Variants in ARPC1A observed in about 807,000 individuals in gnomAD.
ARPC1A encodes the protein actin related protein 2/3 complex subunit 1A.
ARPC1A carries 8 observed loss-of-function variants against 46.9 expected under a neutral mutation model. The ratio of observed to expected loss-of-function variants is 0.17; its 90% CI spans 0.10 to 0.31. ARPC1A has a LOEUF of 0.31. Among genes scored for constraint, ARPC1A ranks in the 10% least tolerant of loss-of-function variants. ARPC1A has a pLI of 1.00. For synonymous variants in ARPC1A, 152 were observed against 169.0 expected, an observed-to-expected ratio of 0.90 and a Z score of 0.78; for missense variants, 286 against 483.6, an observed-to-expected ratio of 0.59 and a Z score of 3.83.
At chr7:99,342,280 A>G (rs1440564632) in intron 3 of ARPC1A, among the ~76,000 whole-genome samples, 2 of 152,104 alleles carry the variant, frequency 1.3e-5, no homozygotes, top group Admixed American at 1.3e-4. Context: ...ATAAATATTG[A>G]TCAGGCTTAC....
At chr7:99,327,227 G>A (rs1347734867) in intron 1 of ARPC1A, among the ~76,000 whole-genome samples, 3 of 151,726 alleles carry the variant, frequency 2.0e-5, no homozygotes, top group Non-Finnish European at 2.9e-5. Context: ...GACCTCCTGG[G>A]CTTAACAGAT....
chr7:99,358,511 A>T, intron 7 of ARPC1A, 96 bp downstream of exon 7: 2 of 893,972 alleles, frequency 2.2e-6, no homozygotes, highest in Non-Finnish European at 1.7e-6. Context: ...AAAGCAGAAC[A>T]GTTTTTTAGA....
In ARPC1A at chr7:99,354,067, C is replaced by T; in HGVS notation, c.659C>T (p.Ala220Val). 8.7e-6 allele frequency: 14 copies of T among 1,614,082 alleles called. No homozygotes were observed. Among genetic ancestry groups the T allele is most frequent in the Non-Finnish European group, 1.2e-5 (14 of 1,179,984 alleles). Residue 220 changes from alanine to valine, a missense_variant, in exon 6 of 10, where the codon GCC becomes GTC. Physicochemically the swap from Ala to Val is moderately conservative, Grantham distance 64. This residue lies in a region of ARPC1A where 182 missense variants were observed against 276.7 expected (regional missense o/e 0.66). Transcript: ENST00000262942. ...TTCTCTGCCAGTGGGAGCCGCCTGGCCTGGGTCAGCCACGACAGCACCGTG... is the reference window on the plus strand; with the variant it reads ...TTCTCTGCCAGTGGGAGCCGCCTGGTCTGGGTCAGCCACGACAGCACCGTG... ...VSFSASGSRLAWVSHDSTVSV... is the reference protein window; with the variant it reads ...VSFSASGSRLVWVSHDSTVSV...
At chr7:99,337,379 C>T (rs1793273307) in intron 2 of ARPC1A, among the ~76,000 whole-genome samples, 1 of 152,154 alleles carries the variant, frequency 6.6e-6, no homozygotes, top group Non-Finnish European at 1.5e-5. Context: ...CAAGATCGCG[C>T]CATTGCACTC....
chr7:99,366,064 G>A lies in ARPC1A; in HGVS notation c.*135G>A. The A allele has an allele frequency of 1.8e-6, 2 of 1,117,378 alleles. No individual in the cohort carries two copies. Among genetic ancestry groups the A allele is most frequent in the Non-Finnish European group, 2.5e-6 (2 of 802,424 alleles). 69.2% of individuals were successfully genotyped at this position (1,117,378 alleles called of 1,614,324 possible). A position where few individuals can be genotyped will look rare whatever the true frequency, so the allele number is the denominator to read the frequency against. ...ACGCCAATGCCGTGTGGTTTTGTTT[G>A]AATATAAAATTGGTGAAAGTGTTGG... On this transcript the variant is annotated 3_prime_UTR_variant, in exon 10 of 10. Transcript: ENST00000262942.
chr7:99,344,988 C>T (rs532280835), intron 4 of ARPC1A, among the ~76,000 whole-genome samples: 1 of 120,364 alleles, frequency 8.3e-6, no homozygotes, highest in Non-Finnish European at 1.6e-5. Context: ...CTGGATGGAG[C>T]GCAGTGACAC....
At chr7:99,330,905 T>C (rs1793134189) in intron 1 of ARPC1A, among the ~76,000 whole-genome samples, 1 of 152,224 alleles carries the variant, frequency 6.6e-6, no homozygotes, top group East Asian at 1.9e-4. Context: ...TTTCAGTTAA[T>C]GGTTGCTTCT....
At chr7:99,342,992 C>T (rs538598996) in intron 3 of ARPC1A, among the ~76,000 whole-genome samples, 13 of 152,042 alleles carry the variant, frequency 8.6e-5, no homozygotes, top group Admixed American at 5.2e-4. Context: ...AAAGAGCCAC[C>T]GCGCCCGGCC....
chr7:99,338,170 T>G lies in ARPC1A; in HGVS notation c.65-11T>G. The stretch of plus-strand genomic sequence containing the variant: ...TTCAGGTGTTAACTGTTGTTTGACT[T>G]GTGTCTCCAGAGATTGCCCTCAGTC... On this transcript the variant is annotated splice_polypyrimidine_tract_variant and intron_variant, in intron 2 of 9. Coordinates refer to ENST00000262942, the MANE Select transcript of ARPC1A (RefSeq NM_006409.4). 1 of 1,587,804 alleles carries G rather than the reference T, an allele frequency of 6.3e-7. No homozygotes were observed. Among genetic ancestry groups the G allele is most frequent in the Non-Finnish European group, 8.6e-7 (1 of 1,157,060 alleles).
chr7:99,338,696 A>G (rs1793309254), intron 3 of ARPC1A, among the ~76,000 whole-genome samples: 1 of 152,006 alleles, frequency 6.6e-6, no homozygotes, highest in Non-Finnish European at 1.5e-5. Flanking sequence ...TAATATTTAA[A>G]GTCATGCAGC....
rs1326889520 is a variant in ARPC1A, at chr7:99,365,964, CTG to C, written c.*38_*39del. ...AGCCTCCGCCATCCAGCATGACAAA[CTG>C]TGGCCGACCGCAGCTGTGCCGTGGC... On this transcript the variant is annotated 3_prime_UTR_variant, in exon 10 of 10. Coordinates refer to ENST00000262942, the MANE Select transcript of ARPC1A (RefSeq NM_006409.4). 1.9e-6 allele frequency: 3 copies of C among 1,556,990 alleles called. No homozygotes were observed. The highest frequency in any genetic ancestry group is 1.4e-5 in the African/African-American group (1 of 73,748).
At chr7:99,349,454 C>A (rs139221390) in intron 5 of ARPC1A, among the ~76,000 whole-genome samples, 1,539 of 152,100 alleles carry the variant, frequency 0.01, 21 homozygotes, top group African/African-American at 0.035. Flanking sequence ...CCTGTAATCC[C>A]AGCACTTTGG....
intron 4 of ARPC1A, among the ~76,000 whole-genome samples, chr7:99,346,987 T>C (rs923290624): frequency 1.3e-5 from 2 of 152,094 alleles, no homozygotes; most frequent in African/African-American, 2.4e-5. Context: ...TCAAAAAATA[T>C]GTATACATTA....
At chr7:99,330,305 C>G (rs1457583389) in intron 1 of ARPC1A, among the ~76,000 whole-genome samples, 2 of 151,910 alleles carry the variant, frequency 1.3e-5, no homozygotes, top group East Asian at 3.9e-4. Context: ...TTCCCCCCCC[C>G]TTTTTGTTTG....
intron 6 of ARPC1A, among the ~76,000 whole-genome samples, 168 bp downstream of exon 6, chr7:99,354,289 G>A (rs1169561523): frequency 3.3e-5 from 5 of 151,918 alleles, no homozygotes; most frequent in African/African-American, 4.8e-5. Flanking sequence ...TTGGGAGGCC[G>A]AGGTGGGTGG....
chr7:99,335,691 A>G (rs1793236773), intron 2 of ARPC1A, among the ~76,000 whole-genome samples: 1 of 152,172 alleles, frequency 6.6e-6, no homozygotes, highest in Non-Finnish European at 1.5e-5. Flanking sequence ...GTGGTGGCTC[A>G]TACCTGTAAT....
intron 8 of ARPC1A, chr7:99,359,956 A>G: frequency 1.7e-6 from 1 of 600,928 alleles, no homozygotes; most frequent in South Asian, 2.0e-5. Flanking sequence ...TCTGTCCTTC[A>G]AGGTGCAGAT....
At chr7:99,359,053 A>C (rs1383548455) in intron 7 of ARPC1A, among the ~76,000 whole-genome samples, 14 of 149,258 alleles carry the variant, frequency 9.4e-5, no homozygotes, top group South Asian at 2.2e-4. Flanking sequence ...GGATGGTCTC[A>C]ATCTCCTGAC....
intron 8 of ARPC1A, 50 bp downstream of exon 8, chr7:99,359,788 C>T: frequency 6.3e-7 from 1 of 1,595,922 alleles, no homozygotes; most frequent in Admixed American, 1.7e-5. Flanking sequence ...GCCTTCCTGC[C>T]CCTCGCTGTT....
Sources: gnomAD v4.1 joint callset for allele counts (sites outside exome capture counted in the v4.1 genomes callset) on GRCh38, gnomAD v4.1.1 for gene constraint, gnomAD v4.1.1 regional missense constraint, MANE v1.5 for transcripts, NCBI Gene and HGNC (gene_info 2026-07-23, HGNC 2026-07-21) for gene names.